Variants in PIK3C2B observed in about 807,000 individuals in gnomAD.
PIK3C2B encodes the protein phosphatidylinositol-4-phosphate 3-kinase catalytic subunit type 2 beta, also known as phosphatidylinositol 4-phosphate 3-kinase C2 domain-containing subunit beta.
PIK3C2B carries 83 observed loss-of-function variants against 184.3 expected under a neutral mutation model. The ratio of observed to expected loss-of-function variants is 0.45; its 90% CI spans 0.38 to 0.54. The LOEUF is 0.54. Among genes scored for constraint, PIK3C2B ranks in the 20% least tolerant of loss-of-function variants. PIK3C2B has a pLI of 0.00. For synonymous variants in PIK3C2B, 779 were observed against 837.6 expected (o/e 0.93, Z 1.21); for missense variants, 1,736 against 2,113.5 (o/e 0.82, Z 3.50).
rs1255470905 is a variant in PIK3C2B, at chr1:204,446,121, C to A, written c.2513G>T (p.Arg838Leu). ...LYWLTDADKK[R>L]LWEKRYYCHS... Reference sequence around the variant, plus strand: ...GCAGTAATATCGCTTCTCCCACAGGCGCTTCTTGTCAGCATCAGTGAGCCT... The same window carrying A: ...GCAGTAATATCGCTTCTCCCACAGGAGCTTCTTGTCAGCATCAGTGAGCCT... Residue 838 changes from arginine (R) to leucine (L), a missense_variant, in exon 16 of 33, where the codon CGC becomes CTC. Around this residue, in one of 8 missense-constraint regions of PIK3C2B, gnomAD observed 609 missense variants for 699.2 expected, o/e 0.87. Transcript: ENST00000684373. 6 of 1,569,114 alleles carry A rather than the reference C, an allele frequency of 3.8e-6. No individual in the cohort carries two copies. The highest frequency in any genetic ancestry group is 3.5e-6 in the Non-Finnish European group (4 of 1,152,714).
chr1:204,456,913 C>T, intron 10 of PIK3C2B, 124 bp downstream of exon 10: 2 of 187,220 alleles, frequency 1.1e-5, no homozygotes, highest in South Asian at 8.5e-5. Context: ...CACACCCACA[C>T]ACACACACAC....
intron 16 of PIK3C2B, among the ~76,000 whole-genome samples, chr1:204,445,441 T>A (rs1383739094): frequency 2.0e-5 from 3 of 151,658 alleles, no homozygotes; most frequent in Non-Finnish European, 4.4e-5. Flanking sequence ...AAAAAAATTT[T>A]AAAAATTAGT....
At chr1:204,442,920 T>C (rs1675749598) in intron 19 of PIK3C2B, among the ~76,000 whole-genome samples, 1 of 152,216 alleles carries the variant, frequency 6.6e-6, no homozygotes, top group South Asian at 2.1e-4. Context: ...GGGGAAGAGC[T>C]ATTTAGGCTT....
intron 1 of PIK3C2B, among the ~76,000 whole-genome samples, chr1:204,476,904 G>C (rs1253749624): frequency 6.6e-6 from 1 of 152,240 alleles, no homozygotes; most frequent in East Asian, 1.9e-4. Flanking sequence ...AAATCGTCCA[G>C]AAGGTCTGTT....
intron 15 of PIK3C2B, among the ~76,000 whole-genome samples, chr1:204,446,767 C>T (rs1447755380): frequency 1.3e-5 from 2 of 152,140 alleles, no homozygotes; most frequent in Non-Finnish European, 2.9e-5. Context: ...TCAGCTACTC[C>T]AGCTACTTGG....
chr1:204,449,505 G>C (rs1473112144), intron 13 of PIK3C2B, among the ~76,000 whole-genome samples: 1 of 152,194 alleles, frequency 6.6e-6, no homozygotes, highest in African/African-American at 2.4e-5. Flanking sequence ...ACCACACCCT[G>C]GTCTGGATGA....
chr1:204,454,905 A>T, intron 11 of PIK3C2B, 114 bp from the exon 12 acceptor site: 1 of 1,215,552 alleles, frequency 8.2e-7, no homozygotes, highest in Non-Finnish European at 1.1e-6. Context: ...TCAGTCTCTG[A>T]GGGCTGTAAC....
At chr1:204,435,364 T>C (rs768381073) in intron 23 of PIK3C2B, 2 of 152,134 alleles carry the variant, frequency 1.3e-5, no homozygotes, top group Admixed American at 6.6e-5. Context: ...AATGAGGAAA[T>C]AGACCACTCC....
Position 204,433,679 on chromosome 1 carries a change from G to T in PIK3C2B, c.3843+114C>A. The T allele has an allele frequency of 9.5e-7, 1 of 1,051,178 alleles. No homozygotes were observed. Among genetic ancestry groups the T allele is most frequent in the Non-Finnish European group, 1.4e-6 (1 of 693,644 alleles). 65.1% of individuals were successfully genotyped at this position (1,051,178 alleles called of 1,614,324 possible). A position where few individuals can be genotyped will look rare whatever the true frequency, so the allele number is the denominator to read the frequency against. Reference sequence around the variant, plus strand: ...TTTATCTAGGGCAGGCAGGTATTCAGTTGGGGCTCAGAGAGGTAAATCTCT... The same window carrying T: ...TTTATCTAGGGCAGGCAGGTATTCATTTGGGGCTCAGAGAGGTAAATCTCT... On this transcript the variant is annotated intron_variant, in intron 25 of 32. Coordinates refer to ENST00000684373, the MANE Select transcript of PIK3C2B (RefSeq NM_001377334.1). The surrounding 1 kb of genome is among the most constrained non-coding windows in gnomAD (Gnocchi z 5.0).
chr1:204,465,370 TC>T, intron 2 of PIK3C2B, 51 bp from the exon 3 acceptor site: 1 of 1,140,266 alleles, frequency 8.8e-7, no homozygotes, highest in Non-Finnish European at 1.3e-6. Context: ...TGGTGTCCCC[TC>T]CCTATGAGGT....
rs779658050 is a variant in PIK3C2B at position 204,432,196 on chromosome 1, T to G, written c.4155+4A>C. 1 of 1,612,998 alleles carries G rather than the reference T, an allele frequency of 6.2e-7. No homozygotes were observed. The highest frequency in any genetic ancestry group is 2.2e-5 in the East Asian group (1 of 44,860). On this transcript the variant is annotated splice_donor_region_variant and intron_variant, in intron 27 of 32. Coordinates refer to ENST00000684373, the MANE Select transcript of PIK3C2B (RefSeq NM_001377334.1). ...AAGGGGGTCAGATTGGAGAAAACAC[T>G]TACATAGCCTTTGTTGGGGTGGAAG... is the stretch of plus-strand genomic sequence containing the variant.
At chr1:204,456,612 C>A (rs546477504) in intron 10 of PIK3C2B, among the ~76,000 whole-genome samples, 15 of 152,176 alleles carry the variant, frequency 9.9e-5, no homozygotes, top group African/African-American at 3.4e-4. Context: ...AGGGAAAATT[C>A]TTTCTCATCC....
At chr1:204,459,217 G>A (rs1484374362) in intron 8 of PIK3C2B, among the ~76,000 whole-genome samples, 3 of 152,088 alleles carry the variant, frequency 2.0e-5, no homozygotes, top group Admixed American at 2.0e-4. Context: ...GGGTCTTGCT[G>A]TGTTGCCCAG....
At chr1:204,461,329 A>G (rs1405049441) in intron 5 of PIK3C2B, among the ~76,000 whole-genome samples, 1 of 152,166 alleles carries the variant, frequency 6.6e-6, no homozygotes, top group Non-Finnish European at 1.5e-5. Context: ...TCCCCCTTTC[A>G]GAGAGAAGGC....
chr1:204,447,384 T>C lies in PIK3C2B; in HGVS notation c.2489+52A>G. ...CCAAAGCAGGAGGACGGAGACTCAG[T>C]GCTGGGAGGTCAGATGAAACATGAC... On this transcript the variant is annotated intron_variant, in intron 15 of 32. Coordinates refer to ENST00000684373, the MANE Select transcript of PIK3C2B (RefSeq NM_001377334.1). This position sits in a 1 kb window ranked among gnomAD's most constrained non-coding sequence, Gnocchi z 4.1. 1.3e-6 allele frequency: 2 copies of C among 1,572,286 alleles called. No individual in the cohort carries two copies. Among genetic ancestry groups the C allele is most frequent in the South Asian group, 1.1e-5 (1 of 88,470 alleles).
In PIK3C2B at chr1:204,444,365, G is replaced by A. The variant is rs2103483499; in HGVS notation, c.2738C>T (p.Ala913Val). 1 of 1,613,924 alleles carries A rather than the reference G, an allele frequency of 6.2e-7. No homozygotes were observed. The highest frequency in any genetic ancestry group is 8.5e-7 in the Non-Finnish European group (1 of 1,179,880). The change falls in exon 17 of 33, where the codon GCT becomes GTT. Residue 913 changes from alanine to valine, a missense_variant. Physicochemically the swap from Ala to Val is moderately conservative, Grantham distance 64. Around this residue, in one of 8 missense-constraint regions of PIK3C2B, gnomAD observed 289 missense variants for 380.4 expected, o/e 0.76. Transcript: ENST00000684373. ...CTGGGGCAGGTAGTCTAGCAGCTCAGCATCTGAGAGTGAGCCAATCCACTG... is the reference window on the plus strand; with the variant it reads ...CTGGGGCAGGTAGTCTAGCAGCTCAACATCTGAGAGTGAGCCAATCCACTG... ...AVQWIGSLSDAELLDYLPQLV... is the reference protein window; with the variant it reads ...AVQWIGSLSDVELLDYLPQLV...
chr1:204,465,346 T>G (rs765671235), intron 2 of PIK3C2B, 27 bp from the exon 3 acceptor site: 86 of 1,479,974 alleles, frequency 5.8e-5, no homozygotes, highest in Non-Finnish European at 7.6e-5. Flanking sequence ...GACGACTCAG[T>G]GCCTTTTTCC....
intron 1 of PIK3C2B, among the ~76,000 whole-genome samples, chr1:204,487,607 C>T (rs955086041): frequency 5.9e-5 from 9 of 152,114 alleles, no homozygotes; most frequent in Non-Finnish European, 1.3e-4. Flanking sequence ...TGTATTTTTC[C>T]AAGTAGACAC....
intron 29 of PIK3C2B, chr1:204,428,823 CA>C (rs1418931813): frequency 5.0e-6 from 2 of 401,858 alleles, no homozygotes; most frequent in Non-Finnish European, 4.9e-6. Flanking sequence ...ATAGAAGAAG[CA>C]AATATAGCAA....
Sources: allele counts gnomAD v4.1 joint callset (sites outside exome capture counted in the v4.1 genomes callset), GRCh38; gene constraint gnomAD v4.1.1; regional missense constraint gnomAD v4.1.1; non-coding constraint Gnocchi (gnomAD v3.1); transcripts MANE v1.5; gene names NCBI Gene and HGNC (gene_info 2026-07-23, HGNC 2026-07-21).